The following EFCAB5 variants were observed in gnomAD, a reference collection of about 807,000 sequenced individuals.
The protein encoded by EFCAB5 is EF-hand calcium-binding domain-containing protein 5.
A neutral mutation model predicts 167.9 loss-of-function variants in EFCAB5; 131 were observed. The ratio of observed to expected loss-of-function variants is 0.78; its 90% confidence interval spans 0.68 to 0.90. The LOEUF (loss-of-function observed/expected upper bound fraction) is 0.90. Ranked by LOEUF, EFCAB5 falls within the 40% of genes least tolerant of loss-of-function variation. EFCAB5 has a pLI of 0.00. For missense variants in EFCAB5, 1,663 were observed against 1,745.2 expected (o/e 0.95, Z 0.84); for synonymous variants, 574 against 602.8 (o/e 0.95, Z 0.70).
chr17:30,045,817 TAGTG>T (rs2069911153), intron 8 of EFCAB5, among the ~76,000 whole-genome samples: 1 of 151,440 alleles, frequency 6.6e-6, no homozygotes. Context: ...CTGGGCAACA[TAGTG>T]AGACCTGGTC....
At chr17:30,009,590 A>G (rs2068847501) in intron 7 of EFCAB5, among the ~76,000 whole-genome samples, 11 of 152,150 alleles carry the variant, frequency 7.2e-5, no homozygotes, top group Admixed American at 5.9e-4. Context: ...TTGCCAAATG[A>G]TATTCCTTTT....
intron 6 of EFCAB5, among the ~76,000 whole-genome samples, chr17:29,999,508 C>A (rs1428357560): frequency 6.6e-6 from 1 of 151,994 alleles, no homozygotes; most frequent in African/African-American, 2.4e-5. Flanking sequence ...CATTTTTATG[C>A]ATTATTTAAT....
intron 4 of EFCAB5, among the ~76,000 whole-genome samples, chr17:29,980,848 AG>A (rs2068159799): frequency 6.6e-6 from 1 of 152,220 alleles, no homozygotes; most frequent in African/African-American, 2.4e-5. Flanking sequence ...ATGTTTCATA[AG>A]CACCTCAGTT....
chr17:30,013,725 C>G (rs2068963212), intron 7 of EFCAB5, among the ~76,000 whole-genome samples: 1 of 151,772 alleles, frequency 6.6e-6, no homozygotes, highest in Non-Finnish European at 1.5e-5. Context: ...AGCGGTCTAT[C>G]AATTTTGTTG....
chr17:30,017,002 A>G (rs904790833), intron 7 of EFCAB5, among the ~76,000 whole-genome samples: 3 of 151,896 alleles, frequency 2.0e-5, no homozygotes, highest in Non-Finnish European at 4.4e-5. Flanking sequence ...ACATAGGAAG[A>G]CCTGTCTCTA....
chr17:29,961,810 G>A (rs1281117647), intron 3 of EFCAB5, among the ~76,000 whole-genome samples: 1 of 152,032 alleles, frequency 6.6e-6, no homozygotes, highest in African/African-American at 2.4e-5. Flanking sequence ...CCCAAGCTGG[G>A]AAAGTCATAT....
intron 7 of EFCAB5, among the ~76,000 whole-genome samples, chr17:30,002,811 T>C (rs947194811): frequency 1.1e-4 from 17 of 152,204 alleles, no homozygotes; most frequent in African/African-American, 4.1e-4. Context: ...TTTCCCTTTA[T>C]TCCTGAATGA....
In EFCAB5 at chr17:30,053,333, G is replaced by A. The variant is rs1189370163; in HGVS notation, c.1379G>A (p.Gly460Asp). 1.9e-6 allele frequency: 3 copies of A among 1,613,808 alleles called. No individual in the cohort carries two copies. The highest frequency in any genetic ancestry group is 2.7e-5 in the African/African-American group (2 of 74,900). ...DMDNQKHIYE[G>D]FDKVLLEMNT... The stretch of plus-strand genomic sequence containing the variant: ...GATAATCAGAAACACATTTATGAAG[G>A]TTTTGACAAAGTGCTCTTGGAGATG... Residue 460 changes from glycine (G) to aspartate (D), a missense_variant, in exon 10 of 23, where the codon GGT (glycine) becomes GAT (aspartate). Physicochemically the swap from Gly to Asp is moderately conservative, Grantham distance 94. Transcript: ENST00000394835.
chr17:29,948,943 A>G lies in EFCAB5; in HGVS notation c.190+5294A>G, dbSNP rs184954043. 1.8e-3 allele frequency among the ~76,000 whole-genome samples: 268 copies of G among 152,272 alleles called. 1 individual carries two copies. The highest frequency in any genetic ancestry group is 2.7e-3 in the Non-Finnish European group (185 of 68,010). On this transcript the variant is annotated intron_variant, in intron 3 of 22. Transcript: ENST00000394835. The stretch of plus-strand genomic sequence containing the variant: ...TTTACCTCCTTCCTTTGCAGCAGTC[A>G]TTCTACATCATGTGCCAATGTTAAG...
intron 1 of EFCAB5, among the ~76,000 whole-genome samples, chr17:29,931,277 C>G (rs1422232122): frequency 6.6e-6 from 1 of 152,148 alleles, no homozygotes; most frequent in Non-Finnish European, 1.5e-5. Flanking sequence ...AAAACCCACC[C>G]CCTCCTGTTT....
chr17:30,025,059 TA>T (rs1271884733), intron 7 of EFCAB5, among the ~76,000 whole-genome samples: 1 of 152,044 alleles, frequency 6.6e-6, no homozygotes, highest in Non-Finnish European at 1.5e-5. Flanking sequence ...ACTTAAACGT[TA>T]GACCTAAAAC....
Position 29,972,077 on chromosome 17 carries a change from G to T in EFCAB5, c.767+2710G>T, listed in dbSNP as rs927207040. On this transcript the variant is annotated intron_variant, in intron 4 of 22. Transcript: ENST00000394835. ...TTTTTAAATGGAGTCTCGCTCTGTC[G>T]CCCAGGCTGGAGTGCAGTGGCGTGA... Among the ~76,000 whole-genome samples, 9 of 150,916 alleles carry T rather than the reference G, an allele frequency of 6.0e-5. No homozygotes were observed. In the South Asian group the frequency reaches 6.3e-4, roughly 11 times the overall value.
chr17:29,953,881 T>C (rs938389169), intron 3 of EFCAB5, among the ~76,000 whole-genome samples: 5 of 152,216 alleles, frequency 3.3e-5, no homozygotes, highest in African/African-American at 1.2e-4. Context: ...ATATGGACAA[T>C]AAAGTTCAGA....
At chr17:30,015,112 T>G (rs2069001766) in intron 7 of EFCAB5, among the ~76,000 whole-genome samples, 1 of 152,212 alleles carries the variant, frequency 6.6e-6, no homozygotes, top group African/African-American at 2.4e-5. Context: ...TCTTTAAGAA[T>G]GTTGAATATT....
At chr17:30,079,225 G>A (rs959066255) in intron 15 of EFCAB5, among the ~76,000 whole-genome samples, 2 of 152,142 alleles carry the variant, frequency 1.3e-5, no homozygotes, top group African/African-American at 2.4e-5. Context: ...ATGGGGCACC[G>A]GGACCAAAAG....
At chr17:30,104,551 CAAAA>C (rs5819879) in intron 22 of EFCAB5, among the ~76,000 whole-genome samples, 3 of 145,886 alleles carry the variant, frequency 2.1e-5, no homozygotes, top group African/African-American at 7.5e-5. Context: ...CAAAGCAAAG[CAAAA>C]AAAAAAAGCG....
chr17:29,992,509 G>A (rs550660048), intron 4 of EFCAB5, among the ~76,000 whole-genome samples: 73 of 152,128 alleles, frequency 4.8e-4, no homozygotes, highest in African/African-American at 1.6e-3. Flanking sequence ...CACCACACCC[G>A]GCTAATTTTT....
chr17:30,091,909 C>G lies in EFCAB5; in HGVS notation c.3976C>G (p.Leu1326Val), dbSNP rs1006922509. ...CAGGGAAGTCCAGCGGGCAGGAATTCTCTTCTTCCGAATCATGCTGCTCGA... is the reference window on the plus strand; with the variant it reads ...CAGGGAAGTCCAGCGGGCAGGAATTGTCTTCTTCCGAATCATGCTGCTCGA... ...NVREVQRAGILFFRIMLLELQ... is the reference protein window; with the variant it reads ...NVREVQRAGIVFFRIMLLELQ... The change falls in exon 21 of 23, where the codon CTC becomes GTC. Residue 1326 changes from leucine to valine, a missense_variant. Leu to Val is a conservative substitution (Grantham distance 32, BLOSUM62 1). Coordinates refer to ENST00000394835, the MANE Select transcript of EFCAB5 (RefSeq NM_198529.4). 2 of 1,613,976 alleles carry G rather than the reference C, an allele frequency of 1.2e-6. No individual in the cohort carries two copies. The highest frequency in any genetic ancestry group is 1.1e-5 in the South Asian group (1 of 91,070).
intron 8 of EFCAB5, among the ~76,000 whole-genome samples, chr17:30,049,823 T>G (rs2070035965): frequency 6.6e-6 from 1 of 152,230 alleles, no homozygotes; most frequent in Admixed American, 6.5e-5. Context: ...CTAATAAAGT[T>G]GAAATGCATA....
Sources: gnomAD v4.1 joint callset for allele counts (sites outside exome capture counted in the v4.1 genomes callset) on GRCh38, gnomAD v4.1.1 for gene constraint, MANE v1.5 for transcripts, NCBI Gene and HGNC (gene_info 2026-07-23, HGNC 2026-07-21) for gene names.